Variants in SPATC1 observed in about 807,000 individuals in gnomAD.
SPATC1 encodes the protein speriolin.
A neutral mutation model predicts 36.5 loss-of-function variants in SPATC1; 35 were observed. That is an observed-to-expected ratio of 0.96 (90% CI 0.73 to 1.27). SPATC1 has a LOEUF of 1.27. Among genes scored for constraint, SPATC1 ranks in the 50% most tolerant of loss-of-function variants. SPATC1 has a pLI of 0.00. For missense variants in SPATC1, 779 were observed against 796.0 expected, an observed-to-expected ratio of 0.98 and a Z score of 0.26; for synonymous variants, 361 against 353.6, an observed-to-expected ratio of 1.02 and a Z score of -0.24.
At chr8:144,043,838 G>C (rs949532419) in intron 4 of SPATC1, among the ~76,000 whole-genome samples, 1 of 152,154 alleles carries the variant, frequency 6.6e-6, no homozygotes, top group Non-Finnish European at 1.5e-5. Flanking sequence ...TTGCCGTGGA[G>C]CCCGTCCGTG....
At chr8:144,039,761 G>A in intron 1 of SPATC1, 148 bp from the exon 2 acceptor site, 1 of 804,552 alleles carries the variant, frequency 1.2e-6, no homozygotes, top group South Asian at 1.8e-5. Flanking sequence ...TAAGAAGTGA[G>A]GCTCAGAGAC....
intron 1 of SPATC1, among the ~76,000 whole-genome samples, chr8:144,022,662 T>A (rs1490776042): frequency 7.0e-6 from 1 of 143,216 alleles, no homozygotes; most frequent in African/African-American, 2.6e-5. Flanking sequence ...CTCAGGACCT[T>A]CTCCTCTCAC....
chr8:144,021,302 C>A, intron 1 of SPATC1, among the ~76,000 whole-genome samples: 1 of 143,194 alleles, frequency 7.0e-6, no homozygotes, highest in Admixed American at 6.9e-5. Context: ...CCTCAGGACC[C>A]TCTTCCCTCA....
At chr8:144,020,930 C>G (rs1735421717) in intron 1 of SPATC1, among the ~76,000 whole-genome samples, 2 of 150,600 alleles carry the variant, frequency 1.3e-5, no homozygotes, top group South Asian at 4.2e-4. Context: ...CCCCTCAGGA[C>G]CCCCTCACCT....
intron 1 of SPATC1, among the ~76,000 whole-genome samples, chr8:144,031,275 G>A (rs2133126287): frequency 6.6e-6 from 1 of 152,018 alleles, no homozygotes; most frequent in East Asian, 1.9e-4. Flanking sequence ...TTGAAGGATA[G>A]TTTTATGGAA....
intron 1 of SPATC1, among the ~76,000 whole-genome samples, chr8:144,030,617 C>A (rs1834774219): frequency 6.6e-6 from 1 of 152,158 alleles, no homozygotes; most frequent in African/African-American, 2.4e-5. Context: ...CCTCAGCCTC[C>A]CAAAGTGCTG....
intron 1 of SPATC1, among the ~76,000 whole-genome samples, chr8:144,024,306 T>G: frequency 7.4e-6 from 1 of 134,496 alleles, no homozygotes; most frequent in Non-Finnish European, 1.6e-5. Flanking sequence ...TCTTCCCTCA[T>G]AAACTTCCTC....
intron 1 of SPATC1, among the ~76,000 whole-genome samples, chr8:144,031,814 G>GC (rs1177726154): frequency 6.7e-6 from 1 of 149,328 alleles, no homozygotes; most frequent in African/African-American, 2.5e-5. Context: ...CACCTCCCAG[G>GC]CTCAAGCAAT....
chr8:144,038,783 G>C (rs961143215), intron 1 of SPATC1, among the ~76,000 whole-genome samples: 4 of 152,232 alleles, frequency 2.6e-5, no homozygotes, highest in African/African-American at 9.6e-5. Flanking sequence ...CCAAAATGTC[G>C]TATTCATCCA....
At chr8:144,021,441 C>T (rs1392124080) in intron 1 of SPATC1, among the ~76,000 whole-genome samples, 1 of 132,224 alleles carries the variant, frequency 7.6e-6, no homozygotes, top group Non-Finnish European at 1.7e-5. Context: ...CCTCTCCCCT[C>T]AAGACTGCCT....
chr8:144,039,593 ATG>A (rs1835005404), intron 1 of SPATC1, among the ~76,000 whole-genome samples: 1 of 152,182 alleles, frequency 6.6e-6, no homozygotes, highest in South Asian at 2.1e-4. Context: ...GGACGTCCCC[ATG>A]GCTGGGGGCA....
At chr8:144,033,101 GAAA>G (rs1834830475) in intron 1 of SPATC1, among the ~76,000 whole-genome samples, 2 of 150,758 alleles carry the variant, frequency 1.3e-5, no homozygotes, top group Middle Eastern at 6.9e-3. Context: ...TACATGGCAT[GAAA>G]CAAAAGTTAG....
chr8:144,029,719 T>A (rs1406586651), intron 1 of SPATC1, among the ~76,000 whole-genome samples: 1 of 152,198 alleles, frequency 6.6e-6, no homozygotes, highest in Non-Finnish European at 1.5e-5. Flanking sequence ...TTAGAGACCT[T>A]TTTTTGTGAT....
At chr8:144,039,427 C>G (rs1338707749) in intron 1 of SPATC1, among the ~76,000 whole-genome samples, 2 of 152,230 alleles carry the variant, frequency 1.3e-5, no homozygotes, top group African/African-American at 4.8e-5. Flanking sequence ...AGCACGGACC[C>G]CCTGAGGAGC....
chr8:144,046,628 C>T lies in SPATC1; in HGVS notation c.1448C>T (p.Ala483Val), dbSNP rs369722082. ...CCCTGATGGCCGCTGTCCCCACAGG[C>T]TTCCCTGAACCCCAGTGACCACAAG... is the stretch of plus-strand genomic sequence containing the variant. The part of the protein sequence containing the change: ...VSNIPEKIIQ[A>V]SLNPSDHKLD... Residue 483 changes from alanine to valine, a missense_variant and splice_region_variant, in exon 5 of 5, where the codon GCT becomes GTT. Ala to Val is a moderately conservative substitution (Grantham distance 64). Coordinates refer to ENST00000377470, the MANE Select transcript of SPATC1 (RefSeq NM_198572.3). This position sits in a 1 kb window ranked among gnomAD's most constrained non-coding sequence, Gnocchi z 6.6. 1 of 1,606,196 alleles carries T rather than the reference C, an allele frequency of 6.2e-7. No individual in the cohort carries two copies. Among genetic ancestry groups the T allele is most frequent in the Non-Finnish European group, 8.5e-7 (1 of 1,177,646 alleles).
At chr8:144,021,069 G>T (rs1834515739) in intron 1 of SPATC1, among the ~76,000 whole-genome samples, 3 of 2,576 alleles carry the variant, frequency 1.2e-3, no homozygotes, top group Non-Finnish European at 1.7e-3. Context: ...CTTCTCCCCT[G>T]AGGACCTGAT....
At chr8:144,028,013 C>T (rs1471902475) in intron 1 of SPATC1, among the ~76,000 whole-genome samples, 3 of 151,768 alleles carry the variant, frequency 2.0e-5, no homozygotes, top group African/African-American at 7.3e-5. Context: ...ATTATTTTAT[C>T]AATTGAAACT....
At chr8:144,019,928 C>T (rs1455316413) in intron 1 of SPATC1, among the ~76,000 whole-genome samples, 2 of 151,816 alleles carry the variant, frequency 1.3e-5, no homozygotes, top group Non-Finnish European at 2.9e-5. Flanking sequence ...CCGGGGGCTG[C>T]GGCAGGTCTC....
chr8:144,021,003 T>TCTCAG, intron 1 of SPATC1, among the ~76,000 whole-genome samples: 2 of 98,548 alleles, frequency 2.0e-5, no homozygotes, highest in African/African-American at 4.1e-5. Context: ...ACCTCTTCCC[T>TCTCAG]GACAACCTCC....
Sources: gnomAD v4.1 joint callset for allele counts (sites outside exome capture counted in the v4.1 genomes callset) on GRCh38, gnomAD v4.1.1 for gene constraint, Gnocchi (gnomAD v3.1) non-coding constraint, MANE v1.5 for transcripts, NCBI Gene and HGNC (gene_info 2026-07-23, HGNC 2026-07-21) for gene names.